The following CD93 variants were observed in gnomAD, a reference collection of about 807,000 sequenced individuals.
The protein encoded by CD93 is complement component C1q receptor.
CD93 carries 44 observed loss-of-function variants against 45.5 expected under a neutral mutation model. The observed-to-expected ratio is 0.97, with a 90% CI of 0.76 to 1.24. The LOEUF is 1.24. Among genes scored for constraint, CD93 ranks in the 50% most tolerant of loss-of-function variants. CD93 has a pLI of 0.00. For synonymous variants in CD93, 431 were observed against 370.8 expected (o/e 1.16, Z -1.87); for missense variants, 918 against 844.5 (o/e 1.09, Z -1.08).
At chr20:23,084,233 C>A in intron 1 of CD93, 26 bp downstream of exon 1, 1 of 1,608,312 alleles carries the variant, frequency 6.2e-7, no homozygotes, top group Non-Finnish European at 8.5e-7. Context: ...CCATCCCCTC[C>A]CCCGGTCACT....
Position 23,084,260 on chromosome 20 carries a change from T to C in CD93, c.1933A>G (p.Ser645Gly), listed in dbSNP as rs1319081083. The C allele has an allele frequency of 6.2e-7, 1 of 1,613,370 alleles. No individual in the cohort carries two copies. Among genetic ancestry groups the C allele is most frequent in the South Asian group, 1.1e-5 (1 of 91,060 alleles). ...CCGGTCACTCAGGGCCCCCTTTACCTGTACTGGTTCTCCATGGCCCTGCTC... is the reference window on the plus strand; with the variant it reads ...CCGGTCACTCAGGGCCCCCTTTACCCGTACTGGTTCTCCATGGCCCTGCTC... Reference protein sequence around the residue: ...AESRAMENQYSPTPGTDC With the variant: ...AESRAMENQYGPTPGTDC Residue 645 changes from serine to glycine, a missense_variant and splice_region_variant, in exon 1 of 2, where the codon AGT becomes GGT. Physicochemically the swap from Ser to Gly is moderately conservative, Grantham distance 56. Transcript: ENST00000246006.
chr20:23,084,028 C>T (rs770783546), intron 1 of CD93, 54 bp from the exon 2 acceptor site: 10 of 1,605,818 alleles, frequency 6.2e-6, no homozygotes, highest in Admixed American at 1.7e-5. Context: ...TGTGCCTGCA[C>T]GTCCCCACCT....
Position 23,086,058 on chromosome 20 carries a change from G to A in CD93, c.135C>T (p.Ser45=), listed in dbSNP as rs1275013016. ...ACYTAHSGKL[S]AAEAQNHCNQ... ...TGCAGTGGTTCTGGGCCTCGGCAGC[G>A]CTCAGCTTGCCCGAGTGGGCCGTGT... is the stretch of plus-strand genomic sequence containing the variant. The change falls in exon 1 of 2, where the codon AGC becomes AGT. Residue 45 remains serine (S), a synonymous_variant. Coordinates refer to ENST00000246006, the MANE Select transcript of CD93 (RefSeq NM_012072.4). The A allele has an allele frequency of 6.2e-7, 1 of 1,605,480 alleles. No individual in the cohort carries two copies. The highest frequency in any genetic ancestry group is 8.5e-7 in the Non-Finnish European group (1 of 1,179,284).
chr20:23,085,317 C>G lies in CD93; in HGVS notation c.876G>C (p.Arg292=). 1 of 1,614,008 alleles carries G rather than the reference C, an allele frequency of 6.2e-7. No individual in the cohort carries two copies. ...SFLCGCRPGF[R]LLDDLVTCAS... Reference sequence around the variant, plus strand: ...CACAGGTCACCAGGTCATCCAGCAGCCGGAATCCTGGTCGGCAGCCGCAGA... The same window carrying G: ...CACAGGTCACCAGGTCATCCAGCAGGCGGAATCCTGGTCGGCAGCCGCAGA... The change falls in exon 1 of 2, where the codon CGG becomes CGC. Residue 292 remains arginine (R), a synonymous_variant. Transcript: ENST00000246006.
rs1051786602 is a variant in CD93, at chr20:23,084,489, C to A, written c.1704G>T (p.Val568=). The A allele has an allele frequency of 3.1e-6, 5 of 1,614,162 alleles. No individual in the cohort carries two copies. The highest frequency in any genetic ancestry group is 3.4e-6 in the Non-Finnish European group (4 of 1,180,060). ...PQEPAGGDSS[V]ATQNNDGTDG... ...CAGTGCCATCGTTGTTTTGTGTGGC[C>A]ACGGAGGAGTCCCCACCTGCAGGCT... The change falls in exon 1 of 2, where the codon GTG becomes GTT. Residue 568 remains valine (V), a synonymous_variant. Transcript: ENST00000246006.
chr20:23,079,411 A>G lies in CD93; in HGVS notation c.*4539T>C, dbSNP rs1383309833. On this transcript the variant is annotated 3_prime_UTR_variant, in exon 2 of 2. Transcript: ENST00000246006. ...CACATAACAGAAAGCTCAAAGGACA[A>G]CAAAGCTGCACCTTCCTAAAGGCTG... 6.6e-6 allele frequency: 1 copy of G among 152,242 alleles called. No homozygotes were observed. The highest frequency in any genetic ancestry group is 6.5e-5 in the Admixed American group (1 of 15,284). The allele number at this position is 152,242 out of a possible 1,614,324, so 9.4% of individuals were successfully genotyped here. A position where few individuals can be genotyped will look rare whatever the true frequency, so the allele number is the denominator to read the frequency against.
Position 23,085,250 on chromosome 20 carries a change from C to G in CD93, c.943G>C (p.Ala315Pro). ...CCATGGGGTCCCAGGACGCACGTGG[C>G]CCCCCCACGACATGGGCTGGAGCTG... The part of the protein sequence containing the change: ...PCSSSPCRGG[A>P]TCVLGPHGKN... The change falls in exon 1 of 2, where the codon GCC becomes CCC. Residue 315 changes from alanine to proline, a missense_variant. Physicochemically the swap from Ala to Pro is conservative, Grantham distance 27 (BLOSUM62 -1). Coordinates refer to ENST00000246006, the MANE Select transcript of CD93 (RefSeq NM_012072.4). 1 of 1,611,316 alleles carries G rather than the reference C, an allele frequency of 6.2e-7. No homozygotes were observed. Among genetic ancestry groups the G allele is most frequent in the Non-Finnish European group, 8.5e-7 (1 of 1,178,620 alleles).
Position 23,086,310 on chromosome 20 carries a change from C to T in CD93, c.-118G>A, listed in dbSNP as rs1600424486. On this transcript the variant is annotated 5_prime_UTR_variant, in exon 1 of 2. Coordinates refer to ENST00000246006, the MANE Select transcript of CD93 (RefSeq NM_012072.4). ...GAGGGGTGAGCTGCAGCCACTCCGG[C>T]GCAGAGAAGGACACAAAGGCTGAGG... 1.6e-6 allele frequency: 2 copies of T among 1,285,342 alleles called. No individual in the cohort carries two copies. Among genetic ancestry groups the T allele is most frequent in the East Asian group, 2.5e-5 (1 of 39,330 alleles). The allele number at this position is 1,285,342 out of a possible 1,614,324, so 79.6% of individuals were successfully genotyped here. A position where few individuals can be genotyped will look rare whatever the true frequency, so the allele number is the denominator to read the frequency against.
Position 23,083,695 on chromosome 20 carries a change from G to C in CD93, c.*255C>G, listed in dbSNP as rs1361518476. Reference sequence around the variant, plus strand: ...GTCACATTGGAATTTGAAAAGGGAGGGGGAGTAACAATCATTATAGAGTCA... The same window carrying C: ...GTCACATTGGAATTTGAAAAGGGAGCGGGAGTAACAATCATTATAGAGTCA... On this transcript the variant is annotated 3_prime_UTR_variant, in exon 2 of 2. Coordinates refer to ENST00000246006, the MANE Select transcript of CD93 (RefSeq NM_012072.4). 1.1e-5 allele frequency: 6 copies of C among 562,432 alleles called. No individual in the cohort carries two copies. The highest frequency in any genetic ancestry group is 9.4e-5 in the African/African-American group (5 of 53,126). 34.8% of individuals were successfully genotyped at this position (562,432 alleles called of 1,614,324 possible).
chr20:23,085,000 T>C lies in CD93; in HGVS notation c.1193A>G (p.Gln398Arg), dbSNP rs753196399. The change falls in exon 1 of 2, where the codon CAG becomes CGG. Residue 398 changes from glutamine (Q) to arginine (R), a missense_variant. Physicochemically the swap from Gln to Arg is conservative, Grantham distance 43. Coordinates refer to ENST00000246006, the MANE Select transcript of CD93 (RefSeq NM_012072.4). Reference sequence around the variant, plus strand: ...TGAGCCATCTGTGTTGGTGCAGCCCTGGGCGCAAGGCGAGCGACCCAGAGC... The same window carrying C: ...TGAGCCATCTGTGTTGGTGCAGCCCCGGGCGCAAGGCGAGCGACCCAGAGC... ...ECALGRSPCA[Q>R]GCTNTDGSFH... 7.4e-6 allele frequency: 12 copies of C among 1,613,812 alleles called. No homozygotes were observed. The highest frequency in any genetic ancestry group is 1.3e-5 in the African/African-American group (1 of 74,920).
rs1985430185 is a variant in CD93 at position 23,084,812 on chromosome 20, C to A, written c.1381G>T (p.Ala461Ser). ...HCGCLPGWVL[A>S]PNGVSCTMGP... Reference sequence around the variant, plus strand: ...ATGGTGCAAGAGACCCCATTTGGGGCCAGCACCCAGCCTGGCAGGCAGCCA... The same window carrying A: ...ATGGTGCAAGAGACCCCATTTGGGGACAGCACCCAGCCTGGCAGGCAGCCA... The change falls in exon 1 of 2, where the codon GCC becomes TCC. Residue 461 changes from alanine (A) to serine (S), a missense_variant. Coordinates refer to ENST00000246006, the MANE Select transcript of CD93 (RefSeq NM_012072.4). 6.2e-7 allele frequency: 1 copy of A among 1,613,224 alleles called. No homozygotes were observed. Among genetic ancestry groups the A allele is most frequent in the Admixed American group, 1.7e-5 (1 of 59,992 alleles).
Position 23,085,266 on chromosome 20 carries a change from G to T in CD93, c.927C>A (p.Ser309Arg). 2 of 1,613,778 alleles carry T rather than the reference G, an allele frequency of 1.2e-6. No individual in the cohort carries two copies. Among genetic ancestry groups the T allele is most frequent in the Non-Finnish European group, 1.7e-6 (2 of 1,179,934 alleles). Residue 309 changes from serine to arginine, a missense_variant, in exon 1 of 2, where the codon AGC becomes AGA. Coordinates refer to ENST00000246006, the MANE Select transcript of CD93 (RefSeq NM_012072.4). ...TCASRNPCSSSPCRGGATCVL... is the reference protein window; with the variant it reads ...TCASRNPCSSRPCRGGATCVL... ...CGCACGTGGCCCCCCCACGACATGG[G>T]CTGGAGCTGCAAGGGTTTCGAGAGG...
At chr20:23,084,208 T>C (rs1985404799) in intron 1 of CD93, 51 bp downstream of exon 1, 3 of 1,587,024 alleles carry the variant, frequency 1.9e-6, no homozygotes, top group African/African-American at 1.3e-5. Context: ...CTGTAGTCAG[T>C]GCCCCCATGC....
At position 23,084,937 on chromosome 20, in the gene CD93, C is replaced by T; in HGVS notation, c.1256G>A (p.Gly419Glu). ...CSCEEGYVLA[G>E]EDGTQCQDVD... Reference sequence around the variant, plus strand: ...GTCCTGGCACTGAGTCCCGTCCTCCCCGGCCAGGACGTAGCCCTCCTCACA... The same window carrying T: ...GTCCTGGCACTGAGTCCCGTCCTCCTCGGCCAGGACGTAGCCCTCCTCACA... The change falls in exon 1 of 2, where the codon GGG becomes GAG. Residue 419 changes from glycine (G) to glutamate (E), a missense_variant. Transcript: ENST00000246006. The T allele has an allele frequency of 6.2e-7, 1 of 1,613,542 alleles. No homozygotes were observed. Among genetic ancestry groups the T allele is most frequent in the Non-Finnish European group, 8.5e-7 (1 of 1,179,974 alleles).
chr20:23,085,806 G>A lies in CD93; in HGVS notation c.387C>T (p.His129=), dbSNP rs1985480513. ...GGEDTPYSNW[H]KELRNSCISK... ...AGATGCACGAGTTCCGGAGCTCCTT[G>A]TGCCAGTTAGAGTAAGGCGTGTCCT... The change falls in exon 1 of 2, where the codon CAC becomes CAT. Residue 129 remains histidine (H), a synonymous_variant. Coordinates refer to ENST00000246006, the MANE Select transcript of CD93 (RefSeq NM_012072.4). 1.2e-6 allele frequency: 2 copies of A among 1,611,382 alleles called. No individual in the cohort carries two copies. Among genetic ancestry groups the A allele is most frequent in the Non-Finnish European group, 1.7e-6 (2 of 1,179,410 alleles).
Position 23,085,659 on chromosome 20 carries a change from G to A in CD93, c.534C>T (p.Phe178=). The A allele has an allele frequency of 1.2e-6, 2 of 1,611,568 alleles. No individual in the cohort carries two copies. The highest frequency in any genetic ancestry group is 1.1e-5 in the South Asian group (1 of 90,994). ...PGSPGSNIEG[F]VCKFSFKGMC... ...TGCCTTTGAAGCTGAACTTGCACAC[G>A]AAGCCCTCAATGTTACTTCCGGGGG... The change falls in exon 1 of 2, where the codon TTC becomes TTT. Residue 178 remains phenylalanine (F), a synonymous_variant. Coordinates refer to ENST00000246006, the MANE Select transcript of CD93 (RefSeq NM_012072.4).
chr20:23,085,855 C>G lies in CD93; in HGVS notation c.338G>C (p.Gly113Ala). Residue 113 changes from glycine to alanine, a missense_variant, in exon 1 of 2, where the codon GGC becomes GCC. By Grantham distance (60) the Gly-to-Ala change is moderately conservative (BLOSUM62 0). Transcript: ENST00000246006. Reference sequence around the variant, plus strand: ...CTCCCCCCCGCCCACCCAGCTGAAGCCCTTCAGCGGCAGACTAGGGTCCAG... The same window carrying G: ...CTCCCCCCCGCCCACCCAGCTGAAGGCCTTCAGCGGCAGACTAGGGTCCAG... ...KCLDPSLPLK[G>A]FSWVGGGEDT... 1 of 1,196,992 alleles carries G rather than the reference C, an allele frequency of 8.4e-7. No individual in the cohort carries two copies. The highest frequency in any genetic ancestry group is 1.2e-6 in the Non-Finnish European group (1 of 847,586). The allele number at this position is 1,196,992 out of a possible 1,614,324, so 74.1% of individuals were successfully genotyped here.
rs938663223 is a variant in CD93, at chr20:23,082,658, T to C, written c.*1292A>G. On this transcript the variant is annotated 3_prime_UTR_variant, in exon 2 of 2. Coordinates refer to ENST00000246006, the MANE Select transcript of CD93 (RefSeq NM_012072.4). ...GCAAATGTAACTTTTAAAATGAGGA[T>C]ATAATTTAAATGGCTTTGAGCAGTT... The C allele has an allele frequency of 2.6e-5, 4 of 151,874 alleles. No individual in the cohort carries two copies. Among genetic ancestry groups the C allele is most frequent in the Non-Finnish European group, 5.9e-5 (4 of 67,966 alleles). The allele number at this position is 151,874 out of a possible 1,614,324, so 9.4% of individuals were successfully genotyped here.
rs376845964 is a variant in CD93 at position 23,081,546 on chromosome 20, C to T, written c.*2404G>A. The T allele has an allele frequency of 3.7e-4, 57 of 152,354 alleles. No homozygotes were observed. Among genetic ancestry groups the T allele is most frequent in the African/African-American group, 1.3e-3 (55 of 41,566 alleles). The allele number at this position is 152,354 out of a possible 1,614,324, so 9.4% of individuals were successfully genotyped here. A position where few individuals can be genotyped will look rare whatever the true frequency, so the allele number is the denominator to read the frequency against. On this transcript the variant is annotated 3_prime_UTR_variant, in exon 2 of 2. Coordinates refer to ENST00000246006, the MANE Select transcript of CD93 (RefSeq NM_012072.4). Reference sequence around the variant, plus strand: ...GTCTGGTTGGGTTGCTGGCTCTCCCCCCGTGGTGGGAGTGGTGTGCAAGAG... The same window carrying T: ...GTCTGGTTGGGTTGCTGGCTCTCCCTCCGTGGTGGGAGTGGTGTGCAAGAG...
Sources: gnomAD v4.1 joint callset for allele counts on GRCh38, gnomAD v4.1.1 for gene constraint, MANE v1.5 for transcripts, NCBI Gene and HGNC (gene_info 2026-07-23, HGNC 2026-07-21) for gene names.